CNTNAP4: variants seen among roughly 807,000 people sequenced by gnomAD.
CNTNAP4 encodes the protein contactin-associated protein-like 4.
A neutral mutation model predicts 148.4 loss-of-function variants in CNTNAP4; 98 were observed. That is an observed-to-expected ratio of 0.66 (90% CI 0.56 to 0.78). CNTNAP4 has a LOEUF of 0.78. Among genes scored for constraint, CNTNAP4 ranks in the 30% least tolerant of loss-of-function variants. The pLI, the probability that CNTNAP4 is intolerant of heterozygous loss-of-function variation, is 0.00. For missense variants in CNTNAP4, 1,935 were observed against 1,565.6 expected, an observed-to-expected ratio of 1.24 and a Z score of -3.98; for synonymous variants, 730 against 565.1, an observed-to-expected ratio of 1.29 and a Z score of -4.14.
chr16:76,525,395 C>T (rs1453174667), intron 17 of CNTNAP4, among the ~76,000 whole-genome samples: 2 of 147,318 alleles, frequency 1.4e-5, no homozygotes, highest in Admixed American at 1.4e-4. Context: ...AAGAGACAAG[C>T]AATTAAAAAA....
intron 14 of CNTNAP4, 160 bp downstream of exon 14, chr16:76,495,226 A>G: frequency 1.5e-6 from 1 of 650,980 alleles, no homozygotes; most frequent in Non-Finnish European, 2.5e-6. Flanking sequence ...TATAATCGTT[A>G]GTATTAAGTC....
Position 76,309,516 on chromosome 16 carries a change from T to C in CNTNAP4, c.86-6897T>C, listed in dbSNP as rs549331018. 1.6e-3 allele frequency among the ~76,000 whole-genome samples: 243 copies of C among 152,312 alleles called. 1 individual carries two copies. Among genetic ancestry groups the C allele is most frequent in the South Asian group, 0.012 (57 of 4,822 alleles). Reference sequence around the variant, plus strand: ...CTATGGGATTAGTTAGAGGTATACATTTGGCTTTCTCTATACTTAGTAAAA... The same window carrying C: ...CTATGGGATTAGTTAGAGGTATACACTTGGCTTTCTCTATACTTAGTAAAA... On this transcript the variant is annotated intron_variant, in intron 1 of 23. Transcript: ENST00000611870.
At chr16:76,405,116 C>G (rs924654897) in intron 3 of CNTNAP4, among the ~76,000 whole-genome samples, 2 of 152,070 alleles carry the variant, frequency 1.3e-5, no homozygotes, top group Non-Finnish European at 2.9e-5. Context: ...TAGAAAATGA[C>G]ACAGAATTAA....
chr16:76,395,003 A>G (rs1002175748), intron 3 of CNTNAP4, among the ~76,000 whole-genome samples: 2 of 152,148 alleles, frequency 1.3e-5, no homozygotes, highest in Non-Finnish European at 2.9e-5. Flanking sequence ...CAACTAGGCA[A>G]TTCGGTGGGA....
intron 3 of CNTNAP4, among the ~76,000 whole-genome samples, chr16:76,420,438 G>A (rs1480007633): frequency 1.3e-5 from 2 of 151,882 alleles, no homozygotes; most frequent in Non-Finnish European, 2.9e-5. Flanking sequence ...GCAACCAGAA[G>A]CACTGAACCT....
intron 19 of CNTNAP4, 143 bp from the exon 20 acceptor site, chr16:76,539,576 G>T: frequency 3.0e-6 from 2 of 661,298 alleles, no homozygotes; most frequent in Non-Finnish European, 2.5e-6. Context: ...CTTGGAAACT[G>T]ACTCTTGGGG....
At chr16:76,370,088 C>G (rs1237541489) in intron 3 of CNTNAP4, among the ~76,000 whole-genome samples, 1 of 152,100 alleles carries the variant, frequency 6.6e-6, no homozygotes, top group African/African-American at 2.4e-5. Context: ...CAAATGAACC[C>G]TCACATAAAC....
intron 1 of CNTNAP4, chr16:76,287,724 C>T (rs957150029): frequency 6.6e-6 from 1 of 152,240 alleles, no homozygotes; most frequent in Non-Finnish European, 1.5e-5. Context: ...GTTCCCTCTT[C>T]CTTCCTCACT....
chr16:76,347,316 C>T (rs1042587928), intron 2 of CNTNAP4, among the ~76,000 whole-genome samples: 1 of 152,120 alleles, frequency 6.6e-6, no homozygotes, highest in African/African-American at 2.4e-5. Flanking sequence ...CACGTGACTA[C>T]AATTTTATTT....
intron 11 of CNTNAP4, among the ~76,000 whole-genome samples, chr16:76,477,628 G>T (rs920149611): frequency 2.4e-4 from 36 of 152,112 alleles, no homozygotes; most frequent in African/African-American, 8.2e-4. Flanking sequence ...GTATACTGAG[G>T]TGCCTCATAA....
intron 18 of CNTNAP4, among the ~76,000 whole-genome samples, chr16:76,537,798 G>A (rs1327188673): frequency 6.6e-6 from 1 of 152,032 alleles, no homozygotes; most frequent in Non-Finnish European, 1.5e-5. Context: ...ACAGATGGGA[G>A]TTAAAATTTA....
At chr16:76,480,979 C>G (rs1366625905) in intron 12 of CNTNAP4, among the ~76,000 whole-genome samples, 1 of 152,112 alleles carries the variant, frequency 6.6e-6, no homozygotes, top group Non-Finnish European at 1.5e-5. Context: ...GGATTCAGCT[C>G]TACTGGATAT....
Position 76,282,768 on chromosome 16 carries a change from T to C in CNTNAP4, c.85+5021T>C, listed in dbSNP as rs527473443. 2.5e-3 allele frequency among the ~76,000 whole-genome samples: 383 copies of C among 152,060 alleles called. 2 individuals are homozygous for C. Among genetic ancestry groups the C allele is most frequent in the African/African-American group, 9.0e-3 (375 of 41,546 alleles). ...TTTATTTTAGAATTCCAGGAACTGA[T>C]CTTTGGCCCCATTTTATTTACGCTA... On this transcript the variant is annotated intron_variant, in intron 1 of 23. Coordinates refer to ENST00000611870, the MANE Select transcript of CNTNAP4 (RefSeq NM_033401.5).
intron 3 of CNTNAP4, among the ~76,000 whole-genome samples, chr16:76,396,116 C>T (rs559962152): frequency 6.6e-6 from 1 of 152,274 alleles, no homozygotes; most frequent in African/African-American, 2.4e-5. Context: ...AACTAAAACA[C>T]AGATATTTAT....
intron 3 of CNTNAP4, among the ~76,000 whole-genome samples, chr16:76,419,946 G>A (rs2079120049): frequency 6.6e-6 from 1 of 152,060 alleles, no homozygotes; most frequent in East Asian, 1.9e-4. Context: ...ATCAAAATTT[G>A]AATACCTCCC....
At chr16:76,475,353 A>G (rs1279698873) in intron 10 of CNTNAP4, among the ~76,000 whole-genome samples, 1 of 152,214 alleles carries the variant, frequency 6.6e-6, no homozygotes, top group Non-Finnish European at 1.5e-5. Context: ...AGTTAGTCAC[A>G]CGGTGTTTGA....
chr16:76,347,825 G>A (rs2144415908), intron 2 of CNTNAP4, among the ~76,000 whole-genome samples: 1 of 152,130 alleles, frequency 6.6e-6, no homozygotes, highest in East Asian at 1.9e-4. Context: ...AAGAGAGAAG[G>A]TAGAGATGAT....
At chr16:76,542,729 A>G (rs1436985185) in intron 21 of CNTNAP4, among the ~76,000 whole-genome samples, 6 of 152,144 alleles carry the variant, frequency 3.9e-5, no homozygotes, top group Non-Finnish European at 7.4e-5. Flanking sequence ...CCACATAACT[A>G]TTGTTATTTA....
chr16:76,465,817 T>C (rs1483879337), intron 9 of CNTNAP4, among the ~76,000 whole-genome samples: 1 of 152,188 alleles, frequency 6.6e-6, no homozygotes, highest in African/African-American at 2.4e-5. Flanking sequence ...AATTTGAAAC[T>C]TCAAAGTCTC....
Sources: gnomAD v4.1 joint callset for allele counts (sites outside exome capture counted in the v4.1 genomes callset) on GRCh38, gnomAD v4.1.1 for gene constraint, MANE v1.5 for transcripts, NCBI Gene and HGNC (gene_info 2026-07-23, HGNC 2026-07-21) for gene names.